Variants in MDGA2 observed in about 807,000 individuals in gnomAD.
MDGA2 encodes the protein MAM domain-containing glycosylphosphatidylinositol anchor protein 2.
A neutral mutation model predicts 117.8 loss-of-function variants in MDGA2; 40 were observed. The observed-to-expected ratio is 0.34, with a 90% confidence interval of 0.26 to 0.44. MDGA2 has a LOEUF of 0.44. MDGA2 is among the 20% of genes least tolerant of loss of function. MDGA2 has a pLI of 1.00. For missense variants in MDGA2, 1,123 were observed against 1,250.6 expected (o/e 0.90, Z 1.54); for synonymous variants, 452 against 439.0 (o/e 1.03, Z -0.37).
At chr14:47,172,120 G>C (rs997733454) in intron 3 of MDGA2, among the ~76,000 whole-genome samples, 2 of 152,168 alleles carry the variant, frequency 1.3e-5, no homozygotes, top group African/African-American at 4.8e-5. Context: ...GCCCAGGCTT[G>C]CTCAGCTAAA....
At chr14:47,429,317 C>T (rs966012984) in intron 1 of MDGA2, among the ~76,000 whole-genome samples, 1 of 151,566 alleles carries the variant, frequency 6.6e-6, no homozygotes, top group Non-Finnish European at 1.5e-5. Context: ...TTTATATGTG[C>T]ATATATGTCA....
chr14:47,505,688 T>G (rs1046432552), intron 1 of MDGA2, among the ~76,000 whole-genome samples: 1 of 152,174 alleles, frequency 6.6e-6, no homozygotes, highest in African/African-American at 2.4e-5. Flanking sequence ...AATTTCAACT[T>G]ACACTGCCAT....
chr14:47,381,810 C>A (rs994660650), intron 1 of MDGA2, among the ~76,000 whole-genome samples: 1 of 152,256 alleles, frequency 6.6e-6, no homozygotes, highest in East Asian at 1.9e-4. Context: ...AGATTCAATG[C>A]CATCCCCGTC....
chr14:47,243,553 G>A (rs58427212), intron 2 of MDGA2, among the ~76,000 whole-genome samples: 33,602 of 150,976 alleles, frequency 0.22, 4,872 homozygotes, highest in East Asian at 0.44. Context: ...GCGAGACCAC[G>A]AGCCCACCAG....
At chr14:46,943,425 C>T (rs1475885832) in intron 9 of MDGA2, among the ~76,000 whole-genome samples, 1 of 152,028 alleles carries the variant, frequency 6.6e-6, no homozygotes, top group Non-Finnish European at 1.5e-5. Flanking sequence ...GAGTTAAAGT[C>T]TACCATCTTG....
At chr14:47,260,984 C>T (rs899577995) in intron 2 of MDGA2, among the ~76,000 whole-genome samples, 1 of 152,044 alleles carries the variant, frequency 6.6e-6, no homozygotes. Context: ...GGTTAGCATT[C>T]TAGCCCACTG....
intron 8 of MDGA2, among the ~76,000 whole-genome samples, chr14:46,992,391 T>A (rs1036014113): frequency 6.6e-6 from 1 of 152,108 alleles, no homozygotes; most frequent in African/African-American, 2.4e-5. Flanking sequence ...ACCATTCAAG[T>A]GATTAGTTAA....
At chr14:47,110,804 T>C (rs1022895794) in intron 5 of MDGA2, among the ~76,000 whole-genome samples, 6 of 152,188 alleles carry the variant, frequency 3.9e-5, no homozygotes, top group African/African-American at 1.4e-4. Flanking sequence ...TCTTAATCTA[T>C]GATATATCTA....
chr14:47,483,433 T>A (rs1375060806), intron 1 of MDGA2, among the ~76,000 whole-genome samples: 1 of 152,130 alleles, frequency 6.6e-6, no homozygotes, highest in African/African-American at 2.4e-5. Context: ...TTATTTCTTT[T>A]CGTTCGTCCT....
chr14:47,608,576 T>C (rs1047831708), intron 1 of MDGA2, among the ~76,000 whole-genome samples: 5 of 152,126 alleles, frequency 3.3e-5, no homozygotes, highest in African/African-American at 7.2e-5. Context: ...TAGTAGGAGA[T>C]AGGCACTGTA....
intron 1 of MDGA2, among the ~76,000 whole-genome samples, chr14:47,632,286 T>C (rs1049750219): frequency 6.6e-6 from 1 of 152,234 alleles, no homozygotes; most frequent in African/African-American, 2.4e-5. Flanking sequence ...CATACCTGCA[T>C]TCCTGAAACC....
At chr14:47,420,115 A>G (rs1248422393) in intron 1 of MDGA2, among the ~76,000 whole-genome samples, 2 of 152,178 alleles carry the variant, frequency 1.3e-5, no homozygotes, top group East Asian at 1.9e-4. Flanking sequence ...GCATACATAT[A>G]TACACACATA....
intron 14 of MDGA2, 99 bp downstream of exon 14, chr14:46,873,334 T>C (rs1207852340): frequency 1.2e-5 from 13 of 1,114,506 alleles, no homozygotes; most frequent in Non-Finnish European, 1.6e-5. Flanking sequence ...AATTATAGCA[T>C]TCTTTGACCA....
intron 2 of MDGA2, among the ~76,000 whole-genome samples, chr14:47,278,715 C>T (rs80222497): frequency 0.032 from 4,942 of 152,136 alleles, 273 homozygotes; most frequent in African/African-American, 0.11. Context: ...AGATAATATA[C>T]GCATATGACA....
intron 1 of MDGA2, among the ~76,000 whole-genome samples, chr14:47,538,222 A>G (rs1016444262): frequency 2.0e-5 from 3 of 152,334 alleles, no homozygotes; most frequent in South Asian, 4.1e-4. Context: ...TGGCTTAGTG[A>G]TAAAATAAAA....
At chr14:47,596,743 G>A (rs190415070) in intron 1 of MDGA2, among the ~76,000 whole-genome samples, 11 of 152,326 alleles carry the variant, frequency 7.2e-5, no homozygotes, top group Non-Finnish European at 1.5e-4. Context: ...ATTCTGCTAA[G>A]TGGAGTGGTT....
chr14:47,134,387 G>A (rs796117383), intron 4 of MDGA2, among the ~76,000 whole-genome samples: 7 of 152,118 alleles, frequency 4.6e-5, no homozygotes, highest in African/African-American at 1.4e-4. Flanking sequence ...ATAATTAAAT[G>A]AGTAAAATAT....
chr14:47,113,641 A>G (rs1021037216), intron 5 of MDGA2, among the ~76,000 whole-genome samples: 5 of 152,190 alleles, frequency 3.3e-5, no homozygotes, highest in Non-Finnish European at 5.9e-5. Flanking sequence ...CATAAGCAGA[A>G]CTAAAGACAA....
At chr14:47,650,358 G>C (rs918681048) in intron 1 of MDGA2, among the ~76,000 whole-genome samples, 1 of 152,134 alleles carries the variant, frequency 6.6e-6, no homozygotes, top group Non-Finnish European at 1.5e-5. Context: ...GCAGGTCCTT[G>C]AATAACATTG....
Sources: allele counts gnomAD v4.1 joint callset (sites outside exome capture counted in the v4.1 genomes callset), GRCh38; gene constraint gnomAD v4.1.1; transcripts MANE v1.5; gene names NCBI Gene and HGNC (gene_info 2026-07-23, HGNC 2026-07-21).